RANBP2: variants seen among roughly 807,000 people sequenced by gnomAD.
RANBP2 encodes E3 SUMO-protein ligase RanBP2.
A neutral mutation model predicts 303.6 loss-of-function variants in RANBP2; 57 were observed. That is an observed-to-expected ratio of 0.19 (90% CI 0.15 to 0.23). The LOEUF (loss-of-function observed/expected upper bound fraction) is 0.23. Ranked by LOEUF, RANBP2 falls within the 10% of genes least tolerant of loss-of-function variation. The pLI is 1.00. For missense variants in RANBP2, 3,138 were observed against 3,780.8 expected (o/e 0.83, Z 4.46); for synonymous variants, 1,167 against 1,301.5 (o/e 0.90, Z 2.23).
intron 26 of RANBP2, 32 bp from the exon 27 acceptor site, chr2:108,782,096 C>T (rs373595045): frequency 6.2e-7 from 1 of 1,606,132 alleles, no homozygotes; most frequent in Admixed American, 1.7e-5. Context: ...TTATAAGCAG[C>T]AGCTTATAGA....
the RANBP2 span, among the ~76,000 whole-genome samples, chr2:108,806,169 A>G: frequency 6.6e-6 from 1 of 152,074 alleles, no homozygotes; most frequent in Non-Finnish European, 1.5e-5. Flanking sequence ...GGCTGTTACT[A>G]TTAGACTTAT....
the RANBP2 span, among the ~76,000 whole-genome samples, chr2:109,012,487 C>A: frequency 1.1e-4 from 16 of 143,068 alleles, no homozygotes; most frequent in South Asian, 4.8e-4. Flanking sequence ...GAAGGAACGG[C>A]GGAGAGGGTC....
chr2:108,970,645 T>A, the RANBP2 span, among the ~76,000 whole-genome samples: 1 of 152,094 alleles, frequency 6.6e-6, no homozygotes, highest in Non-Finnish European at 1.5e-5. Flanking sequence ...CTTCACTTCC[T>A]TCCTGCTCAG....
chr2:109,777,232 TTGAG>T, the RANBP2 span, among the ~76,000 whole-genome samples: 1 of 146,964 alleles, frequency 6.8e-6, no homozygotes, highest in Admixed American at 7.0e-5. Flanking sequence ...TCCTAGTTTG[TTGAG>T]TGTTTTTAAG....
the RANBP2 span, among the ~76,000 whole-genome samples, chr2:109,467,905 A>C: frequency 0.015 from 2,317 of 152,280 alleles, 61 homozygotes; most frequent in African/African-American, 0.053. Context: ...AGCCAGCTGC[A>C]CCAACACCCC....
At chr2:109,338,367 G>A in the RANBP2 span, among the ~76,000 whole-genome samples, 7 of 152,048 alleles carry the variant, frequency 4.6e-5, no homozygotes, top group African/African-American at 1.2e-4. Context: ...CTCCTTGAGC[G>A]CTGGGGACCC....
chr2:108,907,579 C>T, the RANBP2 span, among the ~76,000 whole-genome samples: 18 of 150,708 alleles, frequency 1.2e-4, no homozygotes, highest in South Asian at 4.3e-4. Flanking sequence ...ACCCAGGAGG[C>T]GGAGGTTGTA....
chr2:109,115,403 T>C, the RANBP2 span, among the ~76,000 whole-genome samples: 1 of 152,208 alleles, frequency 6.6e-6, no homozygotes, highest in Non-Finnish European at 1.5e-5. Flanking sequence ...TTTGTCTCTT[T>C]TGATCTTTGT....
chr2:108,737,124 T>C (rs1345381287), intron 6 of RANBP2, among the ~76,000 whole-genome samples: 1 of 152,050 alleles, frequency 6.6e-6, no homozygotes, highest in African/African-American at 2.4e-5. Context: ...GGTAATTTTC[T>C]TGAAAAAGTA....
At chr2:109,249,518 T>TC in the RANBP2 span, among the ~76,000 whole-genome samples, 3 of 41,348 alleles carry the variant, frequency 7.3e-5, no homozygotes, top group Admixed American at 2.8e-4. Flanking sequence ...TCATTCTTTC[T>TC]TTTTCTTTCT....
the RANBP2 span, among the ~76,000 whole-genome samples, chr2:109,314,585 G>C: frequency 6.6e-6 from 1 of 152,292 alleles, no homozygotes; most frequent in Admixed American, 6.5e-5. Context: ...CATAAATAGT[G>C]TCTCCATCTT....
At chr2:109,537,489 C>T in the RANBP2 span, among the ~76,000 whole-genome samples, 428 of 152,232 alleles carry the variant, frequency 2.8e-3, 1 homozygote, top group Non-Finnish European at 4.4e-3. Flanking sequence ...TGAGACCAGA[C>T]TATAAATACC....
At chr2:109,104,809 C>T in the RANBP2 span, among the ~76,000 whole-genome samples, 1 of 152,116 alleles carries the variant, frequency 6.6e-6, no homozygotes, top group South Asian at 2.1e-4. Flanking sequence ...TTTTGGTTTA[C>T]AATGGTAACA....
the RANBP2 span, among the ~76,000 whole-genome samples, chr2:109,108,552 T>A: frequency 6.6e-6 from 1 of 152,168 alleles, no homozygotes; most frequent in Non-Finnish European, 1.5e-5. Context: ...CTCACAAGGC[T>A]GTTACACACA....
chr2:109,621,158 G>A, the RANBP2 span, among the ~76,000 whole-genome samples: 1 of 151,958 alleles, frequency 6.6e-6, no homozygotes, highest in South Asian at 2.1e-4. Flanking sequence ...GTTTGTTGTT[G>A]TTGTTTTCTT....
At chr2:109,610,724 A>G in the RANBP2 span, among the ~76,000 whole-genome samples, 3 of 152,308 alleles carry the variant, frequency 2.0e-5, no homozygotes, top group Non-Finnish European at 4.4e-5. Flanking sequence ...TTCAAAAAAA[A>G]AGAGAGAAAT....
the RANBP2 span, among the ~76,000 whole-genome samples, chr2:109,443,413 G>A: frequency 1.3e-5 from 2 of 152,156 alleles, no homozygotes; most frequent in East Asian, 3.8e-4. Flanking sequence ...AACCTCAGCT[G>A]GGAATATGAG....
the RANBP2 span, among the ~76,000 whole-genome samples, chr2:109,577,912 C>CAAAAAAA: frequency 1.1e-5 from 1 of 92,344 alleles, no homozygotes; most frequent in Non-Finnish European, 2.1e-5. Context: ...GACTTTGTCT[C>CAAAAAAA]AAAAAAAAAA....
At chr2:109,423,349 G>A in the RANBP2 span, among the ~76,000 whole-genome samples, 12 of 152,250 alleles carry the variant, frequency 7.9e-5, no homozygotes, top group South Asian at 1.9e-3. Flanking sequence ...GGATGACCTC[G>A]CAGACCTTGC....
Sources: gnomAD v4.1 joint callset for allele counts (sites outside exome capture counted in the v4.1 genomes callset) on GRCh38, gnomAD v4.1.1 for gene constraint, MANE v1.5 for transcripts, NCBI Gene and HGNC (gene_info 2026-07-23, HGNC 2026-07-21) for gene names.